MINDY3: variants seen among roughly 807,000 people sequenced by gnomAD.
MINDY3 encodes MINDY lysine 48 deubiquitinase 3.
In MINDY3, 38 loss-of-function variants were observed where a neutral mutation model predicts 69.2. The observed-to-expected ratio is 0.55, with a 90% confidence interval of 0.42 to 0.72. The LOEUF (loss-of-function observed/expected upper bound fraction) is 0.72. Ranked by LOEUF, MINDY3 falls within the 30% of genes least tolerant of loss-of-function variation. The probability of loss-of-function intolerance (pLI) is 0.00; values close to 1 mark genes in which losing one functional copy is unlikely to be tolerated. For synonymous variants in MINDY3, 192 were observed against 180.1 expected (o/e 1.07, Z -0.53); for missense variants, 522 against 519.0 (o/e 1.01, Z -0.06).
chr10:15,832,767 T>C (rs1199002636), intron 8 of MINDY3, among the ~76,000 whole-genome samples: 1 of 152,234 alleles, frequency 6.6e-6, no homozygotes, highest in Non-Finnish European at 1.5e-5. Context: ...TTTTCCTTAA[T>C]ATTATGCCCT....
chr10:15,810,121 T>C (rs1402785224), intron 10 of MINDY3, among the ~76,000 whole-genome samples: 2 of 152,158 alleles, frequency 1.3e-5, no homozygotes, highest in East Asian at 3.9e-4. Flanking sequence ...ACCAGTACAA[T>C]TAAAAAGGTA....
intron 5 of MINDY3, chr10:15,837,709 C>T: frequency 2.8e-6 from 3 of 1,069,798 alleles, no homozygotes; most frequent in Non-Finnish European, 3.4e-6. Flanking sequence ...ATCTTAATGC[C>T]AAAGATAACT....
intron 6 of MINDY3, among the ~76,000 whole-genome samples, chr10:15,834,868 G>A (rs982052544): frequency 2.0e-4 from 31 of 151,916 alleles, no homozygotes; most frequent in African/African-American, 7.2e-4. Flanking sequence ...TTGGTTAAAA[G>A]GGCAAGGAGA....
At chr10:15,842,325 C>T (rs548315914) in intron 3 of MINDY3, among the ~76,000 whole-genome samples, 1 of 151,938 alleles carries the variant, frequency 6.6e-6, no homozygotes, top group South Asian at 2.1e-4. Flanking sequence ...ATGCTGTTCA[C>T]TTTCTAATCA....
intron 9 of MINDY3, chr10:15,817,148 A>G (rs1839429658): frequency 1.1e-5 from 5 of 436,536 alleles, no homozygotes; most frequent in Non-Finnish European, 2.0e-5. Flanking sequence ...ACAACAATAT[A>G]GATTTAACAC....
At chr10:15,837,694 C>A in intron 5 of MINDY3, 1 of 1,095,082 alleles carries the variant, frequency 9.1e-7, no homozygotes, top group South Asian at 2.6e-5. Flanking sequence ...AATTACTTAA[C>A]AAATATCTTA....
chr10:15,856,632 A>T (rs539029592), intron 1 of MINDY3, among the ~76,000 whole-genome samples: 1 of 152,256 alleles, frequency 6.6e-6, no homozygotes, highest in East Asian at 1.9e-4. Context: ...CATACTAACC[A>T]TGGCTGCTTT....
chr10:15,789,313 C>G lies in MINDY3; in HGVS notation c.962G>C (p.Gly321Ala). ...VFQTYDPEDN[G>A]FIPDSLLEDV... ...TTCCAGAAGTGAATCGGGTATGAAT[C>G]CATTATCTAGGGGGGAAAAAATCAG... Residue 321 changes from glycine to alanine, a missense_variant, in exon 12 of 15, where the codon GGA (glycine) becomes GCA (alanine). By Grantham distance (60) the Gly-to-Ala change is moderately conservative. Transcript: ENST00000277632. 1 of 1,609,826 alleles carries G rather than the reference C, an allele frequency of 6.2e-7. No homozygotes were observed. Among genetic ancestry groups the G allele is most frequent in the Non-Finnish European group, 8.5e-7 (1 of 1,177,334 alleles).
Position 15,849,933 on chromosome 10 carries a change from A to C in MINDY3, c.95-1990T>G, listed in dbSNP as rs573039235. Among the ~76,000 whole-genome samples the C allele has an allele frequency of 1.6e-4, 25 of 152,290 alleles. No homozygotes were observed. In the South Asian group the frequency reaches 5.2e-3, roughly 32 times the overall value. On this transcript the variant is annotated intron_variant, in intron 1 of 14. Transcript: ENST00000277632. Reference sequence around the variant, plus strand: ...CCACACAATTTACTTAACCCTCACTAATCTGGTTTTCAACCCATGAGTGAA... The same window carrying C: ...CCACACAATTTACTTAACCCTCACTCATCTGGTTTTCAACCCATGAGTGAA...
chr10:15,845,492 T>A (rs748096701), intron 2 of MINDY3, among the ~76,000 whole-genome samples: 1 of 152,128 alleles, frequency 6.6e-6, no homozygotes, highest in Non-Finnish European at 1.5e-5. Context: ...TTACAAAGTT[T>A]ACGTGACTCT....
chr10:15,822,376 AGT>A (rs1839826398), intron 8 of MINDY3, among the ~76,000 whole-genome samples: 1 of 152,194 alleles, frequency 6.6e-6, no homozygotes. Context: ...ATCTGCCTAC[AGT>A]GTTAGGGAAG....
At chr10:15,794,168 G>T (rs1837633283) in intron 11 of MINDY3, among the ~76,000 whole-genome samples, 1 of 152,054 alleles carries the variant, frequency 6.6e-6, no homozygotes, top group Non-Finnish European at 1.5e-5. Context: ...TCTGAGGAGG[G>T]TGACACAGGA....
chr10:15,843,948 C>A (rs1833659686), intron 2 of MINDY3, among the ~76,000 whole-genome samples: 1 of 152,112 alleles, frequency 6.6e-6, no homozygotes. Flanking sequence ...CACCTATTCT[C>A]TCTGAATCTC....
At chr10:15,832,143 A>C (rs1840511710) in intron 8 of MINDY3, among the ~76,000 whole-genome samples, 1 of 152,184 alleles carries the variant, frequency 6.6e-6, no homozygotes, top group Non-Finnish European at 1.5e-5. Context: ...ACGCGTAGAA[A>C]GATGAACCAC....
At chr10:15,822,756 T>C (rs1006092328) in intron 8 of MINDY3, among the ~76,000 whole-genome samples, 2 of 151,956 alleles carry the variant, frequency 1.3e-5, no homozygotes, top group African/African-American at 2.4e-5. Flanking sequence ...AGATAAAGAT[T>C]TGGGAATCAT....
Position 15,860,336 on chromosome 10 carries a change from C to A in MINDY3, c.-37G>T. 1 of 1,490,742 alleles carries A rather than the reference C, an allele frequency of 6.7e-7. No homozygotes were observed. The highest frequency in any genetic ancestry group is 9.2e-7 in the Non-Finnish European group (1 of 1,086,380). The allele number at this position is 1,490,742 out of a possible 1,614,324, so 92.3% of individuals were successfully genotyped here. On this transcript the variant is annotated 5_prime_UTR_variant, in exon 1 of 15. Coordinates refer to ENST00000277632, the MANE Select transcript of MINDY3 (RefSeq NM_024948.4). ...GGCGGGCGGATCTTCGCTTTGCGGA[C>A]TCCTGCCCCGGAACATGGGGAAGGG...
In MINDY3 at chr10:15,793,390, A is replaced by C. The variant is rs922017160; in HGVS notation, c.955+2710T>G. Reference sequence around the variant, plus strand: ...CAATTTTGTTACTATTCAAATGAGAAATTAACAGTTAAAAACTATATTTTT... The same window carrying C: ...CAATTTTGTTACTATTCAAATGAGACATTAACAGTTAAAAACTATATTTTT... On this transcript the variant is annotated intron_variant, in intron 11 of 14. Transcript: ENST00000277632. 6.6e-5 allele frequency among the ~76,000 whole-genome samples: 10 copies of C among 152,268 alleles called. No homozygotes were observed. The East Asian group carries it at 1.9e-3, about 29-fold the overall frequency.
At chr10:15,836,973 T>A (rs943930155) in intron 6 of MINDY3, among the ~76,000 whole-genome samples, 1 of 151,940 alleles carries the variant, frequency 6.6e-6, no homozygotes. Context: ...AAGGACAGCA[T>A]TTCACAACCA....
intron 6 of MINDY3, 26 bp downstream of exon 6, chr10:15,837,178 C>A: frequency 1.5e-6 from 2 of 1,345,332 alleles, no homozygotes; most frequent in South Asian, 1.3e-5. Flanking sequence ...TAATCAAAGG[C>A]AGAAAAATCA....
Sources: gnomAD v4.1 joint callset for allele counts (sites outside exome capture counted in the v4.1 genomes callset) on GRCh38, gnomAD v4.1.1 for gene constraint, MANE v1.5 for transcripts, NCBI Gene and HGNC (gene_info 2026-07-23, HGNC 2026-07-21) for gene names.